EPM2A: variants seen among roughly 807,000 people sequenced by gnomAD.
The protein encoded by EPM2A is laforin.
In EPM2A, 21 loss-of-function variants were observed where a neutral mutation model predicts 26.5. The observed-to-expected ratio is 0.79, with a 90% CI of 0.56 to 1.14. The LOEUF (loss-of-function observed/expected upper bound fraction) is 1.14. Ranked by LOEUF, EPM2A falls within the 50% of genes most tolerant of loss-of-function variation. EPM2A has a pLI of 0.00. For missense variants in EPM2A, 458 were observed against 440.8 expected, an observed-to-expected ratio of 1.04 and a Z score of -0.35; for synonymous variants, 217 against 177.6, an observed-to-expected ratio of 1.22 and a Z score of -1.76.
At chr6:145,481,889 A>G (rs7738882) in intron 4 of EPM2A, among the ~76,000 whole-genome samples, 17,181 of 150,768 alleles carry the variant, frequency 0.11, 2,193 homozygotes, top group African/African-American at 0.31. Context: ...AATTTAGTGA[A>G]ACCATAAACA....
rs549070858 is a variant in EPM2A, at chr6:145,733,368, C to A, written c.301+1830G>T. Among the ~76,000 whole-genome samples, 10 of 152,094 alleles carry A rather than the reference C, an allele frequency of 6.6e-5. No homozygotes were observed. The South Asian group carries it at 2.1e-3, about 32-fold the overall frequency. ...GAGCTAAATTCCTCATATTTCATAA[C>A]AAGTGTGATGGTTAATTTTATGAGC... On this transcript the variant is annotated intron_variant, in intron 1 of 3. Transcript: ENST00000367519.
intron 2 of EPM2A, among the ~76,000 whole-genome samples, chr6:145,665,421 G>C (rs1380188080): frequency 1.0e-5 from 1 of 99,186 alleles, no homozygotes; most frequent in East Asian, 3.8e-4. Flanking sequence ...TAGAAGAAAT[G>C]GATACATTCC....
intron 2 of EPM2A, among the ~76,000 whole-genome samples, chr6:145,564,917 T>C (rs1463200843): frequency 1.3e-5 from 2 of 152,152 alleles, no homozygotes; most frequent in Non-Finnish European, 2.9e-5. Context: ...TGCTTATTTC[T>C]GTTTGTACCA....
At chr6:145,415,462 C>G (rs560606475) in intron 4 of EPM2A, among the ~76,000 whole-genome samples, 55 of 152,244 alleles carry the variant, frequency 3.6e-4, no homozygotes, top group African/African-American at 1.3e-3. Flanking sequence ...CATAGGATAG[C>G]CTTTGAATTT....
chr6:145,627,188 C>G lies in EPM2A; in HGVS notation c.*228G>C, dbSNP rs1458194125. 9.1e-6 allele frequency: 13 copies of G among 1,424,226 alleles called. No individual in the cohort carries two copies. Among genetic ancestry groups the G allele is most frequent in the Non-Finnish European group, 1.2e-5 (13 of 1,093,702 alleles). The allele number at this position is 1,424,226 out of a possible 1,614,324, so 88.2% of individuals were successfully genotyped here. ...TTCTGTCTGATGTACAGCCTAACTG[C>G]TTCGTGCTTCTTCTCATGTGTTGAG... On this transcript the variant is annotated 3_prime_UTR_variant, in exon 4 of 4. Transcript: ENST00000367519.
At chr6:145,591,351 G>A (rs924299047) in intron 2 of EPM2A, among the ~76,000 whole-genome samples, 2 of 152,094 alleles carry the variant, frequency 1.3e-5, no homozygotes, top group East Asian at 1.9e-4. Context: ...CATCAAGGAC[G>A]GTCAGAAATC....
At chr6:145,444,599 A>T (rs1779107573) in intron 4 of EPM2A, among the ~76,000 whole-genome samples, 1 of 152,178 alleles carries the variant, frequency 6.6e-6, no homozygotes, top group South Asian at 2.1e-4. Flanking sequence ...GGACCCATAG[A>T]ATGAGTTGGG....
intron 4 of EPM2A, among the ~76,000 whole-genome samples, chr6:145,464,182 G>A (rs1779358654): frequency 6.6e-6 from 1 of 152,068 alleles, no homozygotes; most frequent in African/African-American, 2.4e-5. Flanking sequence ...GAGTTCTCAT[G>A]AGATCTGATG....
intron 2 of EPM2A, among the ~76,000 whole-genome samples, chr6:145,660,420 A>G (rs1036885273): frequency 3.9e-5 from 6 of 152,342 alleles, no homozygotes; most frequent in Admixed American, 1.3e-4. Flanking sequence ...TGTCTCTACC[A>G]TGAGACTATT....
intron 1 of EPM2A, among the ~76,000 whole-genome samples, chr6:145,718,842 C>T (rs1583119167): frequency 1.3e-5 from 2 of 152,268 alleles, no homozygotes; most frequent in Middle Eastern, 3.4e-3. Flanking sequence ...CAAAAGAAGA[C>T]ATTTATGCAG....
At chr6:145,580,766 T>C (rs956818653) in intron 2 of EPM2A, among the ~76,000 whole-genome samples, 2 of 152,136 alleles carry the variant, frequency 1.3e-5, no homozygotes, top group Admixed American at 6.5e-5. Flanking sequence ...TGAGAACATG[T>C]CGTATTTGGT....
chr6:145,606,207 T>G (rs1312704395), intron 2 of EPM2A, among the ~76,000 whole-genome samples: 1 of 152,150 alleles, frequency 6.6e-6, no homozygotes, highest in African/African-American at 2.4e-5. Context: ...CCTATTCAGC[T>G]ACTTCAGCGC....
At chr6:145,657,647 T>G (rs1778393279) in intron 2 of EPM2A, among the ~76,000 whole-genome samples, 1 of 152,226 alleles carries the variant, frequency 6.6e-6, no homozygotes, top group African/African-American at 2.4e-5. Flanking sequence ...TGCCTTTCAA[T>G]ACAAGTGGAA....
chr6:145,577,728 C>G (rs1666746609), intron 2 of EPM2A, among the ~76,000 whole-genome samples: 2 of 152,040 alleles, frequency 1.3e-5, no homozygotes, highest in East Asian at 1.9e-4. Context: ...AGCATTTTAT[C>G]TAACAGCTAC....
At chr6:145,524,556 T>C (rs1205214188) in intron 2 of EPM2A, among the ~76,000 whole-genome samples, 1 of 152,164 alleles carries the variant, frequency 6.6e-6, no homozygotes, top group East Asian at 1.9e-4. Context: ...CATATGTTTG[T>C]TGGCCACTTG....
chr6:145,574,904 C>A (rs1468464183), intron 2 of EPM2A, among the ~76,000 whole-genome samples: 1 of 152,148 alleles, frequency 6.6e-6, no homozygotes, highest in East Asian at 1.9e-4. Flanking sequence ...ATTCCCATGC[C>A]GTTCTCCATA....
At chr6:145,493,076 A>C (rs1057078648) in intron 4 of EPM2A, among the ~76,000 whole-genome samples, 9 of 151,888 alleles carry the variant, frequency 5.9e-5, no homozygotes, top group Non-Finnish European at 1.2e-4. Context: ...AATGTACCCC[A>C]TACCCTTCCC....
intron 2 of EPM2A, among the ~76,000 whole-genome samples, chr6:145,596,028 A>T (rs375289537): frequency 6.6e-6 from 1 of 152,224 alleles, no homozygotes; most frequent in Admixed American, 6.5e-5. Context: ...CAGTAAAATC[A>T]TTGGAAATTT....
intron 4 of EPM2A, among the ~76,000 whole-genome samples, chr6:145,416,703 A>G (rs1778712334): frequency 6.6e-6 from 1 of 152,148 alleles, no homozygotes; most frequent in Non-Finnish European, 1.5e-5. Flanking sequence ...CCTGAGAGAA[A>G]ACTGTTTTGA....
Sources: gnomAD v4.1 joint callset for allele counts (sites outside exome capture counted in the v4.1 genomes callset) on GRCh38, gnomAD v4.1.1 for gene constraint, MANE v1.5 for transcripts, NCBI Gene and HGNC (gene_info 2026-07-23, HGNC 2026-07-21) for gene names.